The following ACYP2 variants were observed in gnomAD, a reference collection of about 807,000 sequenced individuals.
ACYP2 encodes acylphosphatase 2, also known as acylphosphatase-2.
ACYP2 carries 12 observed loss-of-function variants against 11.2 expected under a neutral mutation model. That is an observed-to-expected ratio of 1.08 (90% CI 0.69 to 1.74). The LOEUF (loss-of-function observed/expected upper bound fraction) is 1.74, where lower values mean the gene tolerates loss of function less well. Among genes scored for constraint, ACYP2 ranks in the 40% most tolerant of loss-of-function variants. The pLI is 0.00. For synonymous variants in ACYP2, 43 were observed against 32.2 expected, an observed-to-expected ratio of 1.33 and a Z score of -1.13; for missense variants, 134 against 101.9, an observed-to-expected ratio of 1.31 and a Z score of -1.35.
intron 4 of ACYP2, among the ~76,000 whole-genome samples, chr2:54,116,128 GCTTGA>G (rs1679778004): frequency 6.6e-6 from 1 of 152,172 alleles, no homozygotes; most frequent in African/African-American, 2.4e-5. Flanking sequence ...AGCTACCTGG[GCTTGA>G]CTTGAGTTTT....
chr2:54,014,923 C>A (rs1270047806), intron 2 of ACYP2, among the ~76,000 whole-genome samples: 3 of 152,010 alleles, frequency 2.0e-5, no homozygotes, highest in Admixed American at 6.6e-5. Flanking sequence ...CTGTATCTGG[C>A]CCCCCATGTT....
At chr2:54,205,073 T>C (rs1044457347) in intron 6 of ACYP2, among the ~76,000 whole-genome samples, 1 of 152,212 alleles carries the variant, frequency 6.6e-6, no homozygotes, top group Admixed American at 6.5e-5. Context: ...TAATTTGGCT[T>C]TTGTAAAAGT....
intron 2 of ACYP2, among the ~76,000 whole-genome samples, chr2:53,994,949 A>G (rs1672497021): frequency 6.6e-6 from 1 of 152,172 alleles, no homozygotes; most frequent in South Asian, 2.1e-4. Flanking sequence ...TCTGAATTTG[A>G]GTTGGTATAC....
At chr2:54,085,535 T>C (rs1007264337) in intron 4 of ACYP2, among the ~76,000 whole-genome samples, 4 of 152,242 alleles carry the variant, frequency 2.6e-5, no homozygotes, top group African/African-American at 9.6e-5. Context: ...TGTTTTGGGC[T>C]TCAGAAGTTT....
intron 6 of ACYP2, among the ~76,000 whole-genome samples, chr2:54,281,594 C>G (rs6761289): frequency 7.2e-5 from 11 of 152,046 alleles, no homozygotes; most frequent in African/African-American, 2.2e-4. Context: ...CTGGTGAAAC[C>G]CTTATGCTCA....
intron 6 of ACYP2, among the ~76,000 whole-genome samples, chr2:54,159,170 CT>C: frequency 6.7e-6 from 1 of 148,422 alleles, no homozygotes; most frequent in South Asian, 2.2e-4. Flanking sequence ...GCTCCCTGGG[CT>C]TTAAAAAAAA....
At chr2:54,166,941 G>T (rs1295929194) in intron 6 of ACYP2, 1 of 151,554 alleles carries the variant, frequency 6.6e-6, no homozygotes, top group Non-Finnish European at 1.5e-5. Flanking sequence ...TTCTTTTTTT[G>T]TGTGAGGTAT....
intron 2 of ACYP2, among the ~76,000 whole-genome samples, chr2:54,003,512 G>A (rs975245677): frequency 4.0e-5 from 6 of 150,834 alleles, no homozygotes; most frequent in Admixed American, 6.6e-5. Flanking sequence ...CGCCCACCTC[G>A]GCCTCCCAAA....
chr2:54,010,993 TG>T (rs1294041446), intron 2 of ACYP2, among the ~76,000 whole-genome samples: 1 of 152,024 alleles, frequency 6.6e-6, no homozygotes, highest in Non-Finnish European at 1.5e-5. Flanking sequence ...GGACTGCACA[TG>T]CCTCCTTTAT....
Position 54,045,484 on chromosome 2 carries a change from C to G in ACYP2, c.63-5474C>G, listed in dbSNP as rs375909911. Among the ~76,000 whole-genome samples, 3 of 152,246 alleles carry G rather than the reference C, an allele frequency of 2.0e-5. 1 individual carries two copies. The stretch of plus-strand genomic sequence containing the variant: ...CTAATTAAAAGAGAGGTTTTAGGGA[C>G]CAACCAAAGAGAAGGCTTGACATTG... On this transcript the variant is annotated intron_variant, in intron 2 of 6. Coordinates refer to ENST00000607452, the MANE Select transcript of ACYP2 (RefSeq NM_001320586.2).
rs1271115238 is a variant in ACYP2, at chr2:54,267,321, T to C, written c.405-37367T>C. On this transcript the variant is annotated intron_variant, in intron 6 of 6. Coordinates refer to ENST00000607452, the MANE Select transcript of ACYP2 (RefSeq NM_001320586.2). ...GAATTCATCAGCTCCGGAAGCTGGG[T>C]GAAGAAAAGAAACAAGATAGGGCAA... 14 of 1,548,168 alleles carry C rather than the reference T, an allele frequency of 9.0e-6. No homozygotes were observed. The African/African-American group carries it at 1.9e-4, about 21-fold the overall frequency.
chr2:54,043,846 G>A (rs1675371385), intron 2 of ACYP2, among the ~76,000 whole-genome samples: 1 of 152,140 alleles, frequency 6.6e-6, no homozygotes, highest in Admixed American at 6.5e-5. Context: ...CCTAAAGTGT[G>A]AAGAGTCTCG....
chr2:54,038,380 C>A (rs1675024721), intron 2 of ACYP2, among the ~76,000 whole-genome samples: 1 of 151,976 alleles, frequency 6.6e-6, no homozygotes, highest in Non-Finnish European at 1.5e-5. Context: ...ATCTTACTTT[C>A]CACTATATGT....
At chr2:54,282,311 C>G (rs117129119) in intron 6 of ACYP2, among the ~76,000 whole-genome samples, 1 of 152,198 alleles carries the variant, frequency 6.6e-6, no homozygotes, top group South Asian at 2.1e-4. Context: ...CCCACCGTCA[C>G]GGACGATGGG....
At chr2:54,272,933 T>G (rs1688376841) in intron 6 of ACYP2, among the ~76,000 whole-genome samples, 1 of 152,244 alleles carries the variant, frequency 6.6e-6, no homozygotes, top group African/African-American at 2.4e-5. Flanking sequence ...CTATAAAGAC[T>G]GTATTTGTCA....
At chr2:53,988,227 C>T (rs1159176608) in intron 2 of ACYP2, among the ~76,000 whole-genome samples, 1 of 151,830 alleles carries the variant, frequency 6.6e-6, no homozygotes, top group Non-Finnish European at 1.5e-5. Context: ...TAATAATAAT[C>T]AAAAACACTT....
At chr2:54,065,613 A>T in intron 4 of ACYP2, 1 of 397,930 alleles carries the variant, frequency 2.5e-6, no homozygotes. Context: ...TGGTGTGAGT[A>T]AGTGGAAAGC....
At chr2:54,109,090 G>C (rs977508993) in intron 4 of ACYP2, among the ~76,000 whole-genome samples, 1 of 152,142 alleles carries the variant, frequency 6.6e-6, no homozygotes, top group African/African-American at 2.4e-5. Context: ...CTTCAGGGTT[G>C]CCTCGAAATT....
Position 54,183,334 on chromosome 2 carries a change from CCTTG to C in ACYP2, c.404+44590_404+44593del, listed in dbSNP as rs1220065619. Among the ~76,000 whole-genome samples, 9 of 152,070 alleles carry C rather than the reference CCTTG, an allele frequency of 5.9e-5. No homozygotes were observed. The East Asian group carries it at 9.6e-4, about 16-fold the overall frequency. On this transcript the variant is annotated intron_variant, in intron 6 of 6. Transcript: ENST00000607452. ...TAATTTATTCTATAAAATTTATTTT[CCTTG>C]CTTTCATTTCAGCAAAATCATTAAG...
Sources: gnomAD v4.1 joint callset for allele counts (sites outside exome capture counted in the v4.1 genomes callset) on GRCh38, gnomAD v4.1.1 for gene constraint, MANE v1.5 for transcripts, NCBI Gene and HGNC (gene_info 2026-07-23, HGNC 2026-07-21) for gene names.